The following DDX46 variants were observed in gnomAD, a reference collection of about 807,000 sequenced individuals.
DDX46 encodes DEAD-box helicase 46, also known as probable ATP-dependent RNA helicase DDX46.
DDX46 carries 30 observed loss-of-function variants against 134.9 expected under a neutral mutation model. That is an observed-to-expected ratio of 0.22 (90% confidence interval 0.17 to 0.30). DDX46 has a LOEUF of 0.30. Among genes scored for constraint, DDX46 ranks in the 10% least tolerant of loss-of-function variants. The pLI is 1.00. For synonymous variants in DDX46, 415 were observed against 404.1 expected (o/e 1.03, Z -0.32); for missense variants, 622 against 1,248.7 (o/e 0.50, Z 7.56).
rs532350805 is a variant in DDX46 at position 134,768,786 on chromosome 5, T to A, written c.350+1726T>A. ...ATTAAAAAATCATTAGAAGTCTGGG[T>A]GAAGTGGCTCACGCCTGTAATCCTA... On this transcript the variant is annotated intron_variant, in intron 3 of 22. Transcript: ENST00000452510. 2.0e-5 allele frequency among the ~76,000 whole-genome samples: 3 copies of A among 152,040 alleles called. No homozygotes were observed. The East Asian group carries it at 5.8e-4, about 29-fold the overall frequency.
At chr5:134,768,182 T>C (rs1200613545) in intron 3 of DDX46, among the ~76,000 whole-genome samples, 1 of 151,542 alleles carries the variant, frequency 6.6e-6, no homozygotes, top group Non-Finnish European at 1.5e-5. Flanking sequence ...CAATCTCGGC[T>C]CACTGCAACC....
chr5:134,784,515 C>A lies in DDX46; in HGVS notation c.1316C>A (p.Ser439Ter). ...TTTAGACACATCATGGATCAGAGGT[C>A]ATTAGAGGAAGGAGAGGGGCCAATA... ...PMFRHIMDQR[S>*]LEEGEGPIAV... The change falls in exon 10 of 23, where the codon TCA becomes TAA. Residue 439 changes from serine to a stop codon, truncating the protein, a stop_gained. Transcript: ENST00000452510. LOFTEE classifies it high-confidence loss of function. The A allele has an allele frequency of 1.9e-6, 3 of 1,608,600 alleles. No individual in the cohort carries two copies. In the South Asian group the frequency reaches 3.3e-5, roughly 18 times the overall value.
At chr5:134,766,113 C>T (rs1195113259) in intron 2 of DDX46, among the ~76,000 whole-genome samples, 5 of 152,176 alleles carry the variant, frequency 3.3e-5, no homozygotes, top group Non-Finnish European at 7.3e-5. Context: ...TCTTCATCTT[C>T]AGATTAGTGA....
At position 134,792,518 on chromosome 5, in the gene DDX46, G is replaced by T. The variant is rs147513323; in HGVS notation, c.1626+1966G>T. On this transcript the variant is annotated intron_variant, in intron 13 of 22. Transcript: ENST00000452510. ...GTAAAGAGAATTGAAGTGTCAGATGGAACACAGTCACATGCCCTTTAATGT... is the reference window on the plus strand; with the variant it reads ...GTAAAGAGAATTGAAGTGTCAGATGTAACACAGTCACATGCCCTTTAATGT... 5.5e-3 allele frequency among the ~76,000 whole-genome samples: 834 copies of T among 152,248 alleles called. 4 individuals are homozygous for T. Among genetic ancestry groups the T allele is most frequent in the Middle Eastern group, 0.041 (12 of 292 alleles).
intron 10 of DDX46, 32 bp downstream of exon 10, chr5:134,784,573 A>G (rs1754272904): frequency 1.3e-6 from 2 of 1,546,980 alleles, no homozygotes; most frequent in Non-Finnish European, 1.7e-6. Flanking sequence ...TATTTTTCAA[A>G]TAACAGCTTT....
intron 17 of DDX46, 87 bp downstream of exon 17, chr5:134,811,445 C>A: frequency 1.3e-6 from 2 of 1,508,254 alleles, no homozygotes; most frequent in Admixed American, 2.2e-5. Context: ...TTTTATTTAA[C>A]ACTTGAAAAT....
At chr5:134,795,203 TG>T (rs1346979742) in intron 14 of DDX46, among the ~76,000 whole-genome samples, 189 bp downstream of exon 14, 1 of 138,546 alleles carries the variant, frequency 7.2e-6, no homozygotes, top group Non-Finnish European at 1.5e-5. Flanking sequence ...TTAAAATGCT[TG>T]TTTTTTTTTT....
At chr5:134,767,869 G>C (rs555254357) in intron 3 of DDX46, among the ~76,000 whole-genome samples, 1 of 151,316 alleles carries the variant, frequency 6.6e-6, no homozygotes, top group African/African-American at 2.4e-5. Flanking sequence ...AGAATCGCTT[G>C]AACCCAGGAG....
Position 134,795,996 on chromosome 5 carries a change from TGAA to T in DDX46, c.1807_1809del (p.Glu603del), listed in dbSNP as rs1359044164. ...CAATATGGTGTTTTCAGATTGTGATTGAAGAAGAAAAGAAATTCTTGAAGTTAC... is the reference window on the plus strand; with the variant it reads ...CAATATGGTGTTTTCAGATTGTGATTGAAGAAAAGAAATTCTTGAAGTTAC... On this transcript the variant is annotated inframe_deletion, in exon 15 of 23. Coordinates refer to ENST00000452510, the MANE Select transcript of DDX46 (RefSeq NM_001300860.2). 1 of 1,613,006 alleles carries T rather than the reference TGAA, an allele frequency of 6.2e-7. No homozygotes were observed. The highest frequency in any genetic ancestry group is 8.5e-7 in the Non-Finnish European group (1 of 1,179,706).
At chr5:134,796,853 TAA>T (rs140818499) in intron 15 of DDX46, among the ~76,000 whole-genome samples, 18 of 81,324 alleles carry the variant, frequency 2.2e-4, no homozygotes, top group Admixed American at 6.3e-4. Context: ...ACTCTCTCCA[TAA>T]AAAAAAAAAA....
At chr5:134,809,671 G>A (rs920222425) in intron 16 of DDX46, among the ~76,000 whole-genome samples, 4 of 151,712 alleles carry the variant, frequency 2.6e-5, no homozygotes, top group African/African-American at 7.3e-5. Context: ...CACTGCACCC[G>A]GCCAAGATAT....
intron 2 of DDX46, among the ~76,000 whole-genome samples, chr5:134,765,381 TAAAA>T (rs751912543): frequency 2.1e-5 from 2 of 97,278 alleles, no homozygotes; most frequent in African/African-American, 3.9e-5. Flanking sequence ...CCGTCTCTAC[TAAAA>T]AAAAAAAAAA....
chr5:134,764,982 A>G (rs923422661), intron 2 of DDX46, among the ~76,000 whole-genome samples: 5 of 152,008 alleles, frequency 3.3e-5, no homozygotes, highest in African/African-American at 1.2e-4. Context: ...AAAAGGAAAC[A>G]AAGCAGACCC....
chr5:134,777,797 A>G, intron 6 of DDX46, 72 bp downstream of exon 6: 4 of 1,492,400 alleles, frequency 2.7e-6, no homozygotes, highest in African/African-American at 1.4e-5. Flanking sequence ...GCATTGTCCT[A>G]CTGATTGGCA....
intron 19 of DDX46, chr5:134,816,815 TCTAA>T (rs1755298599): frequency 3.8e-6 from 2 of 527,250 alleles, no homozygotes; most frequent in East Asian, 3.5e-5. Context: ...TTCTGGAATT[TCTAA>T]CTGTTAGCCA....
At chr5:134,815,706 CAAAAAAAAAAAAAAA>C (rs374562980) in intron 18 of DDX46, among the ~76,000 whole-genome samples, 2 of 28,706 alleles carry the variant, frequency 7.0e-5, no homozygotes, top group Non-Finnish European at 1.5e-4. Flanking sequence ...GACTCTGTCT[CAAAAAAAAAAAAAAA>C]AAAAAAAAAA....
intron 15 of DDX46, among the ~76,000 whole-genome samples, chr5:134,799,240 CAAAT>C (rs1383851813): frequency 3.3e-5 from 5 of 151,834 alleles, no homozygotes; most frequent in African/African-American, 1.2e-4. Context: ...TCACACATTT[CAAAT>C]AAATAGGAGA....
chr5:134,771,383 G>A (rs148197797), intron 4 of DDX46, among the ~76,000 whole-genome samples: 1,739 of 140,492 alleles, frequency 0.012, 33 homozygotes, highest in African/African-American at 0.042. Flanking sequence ...GTGAGCCACC[G>A]TGCCTGGCCA....
At chr5:134,797,185 A>AG (rs1754686560) in intron 15 of DDX46, 1 of 291,174 alleles carries the variant, frequency 3.4e-6, no homozygotes, top group African/African-American at 2.3e-5. Flanking sequence ...AAAAAAAAAA[A>AG]AAAAAAAAAA....
Sources: gnomAD v4.1 joint callset for allele counts (sites outside exome capture counted in the v4.1 genomes callset) on GRCh38, gnomAD v4.1.1 for gene constraint, MANE v1.5 for transcripts, NCBI Gene and HGNC (gene_info 2026-07-23, HGNC 2026-07-21) for gene names.